Variants in NEDD4L observed in about 807,000 individuals in gnomAD.
NEDD4L encodes E3 ubiquitin-protein ligase NEDD4-like.
NEDD4L carries 54 observed loss-of-function variants against 148.9 expected under a neutral mutation model. The ratio of observed to expected loss-of-function variants is 0.36; its 90% confidence interval spans 0.29 to 0.45. The LOEUF (loss-of-function observed/expected upper bound fraction) is 0.45, where lower values mean the gene tolerates loss of function less well. NEDD4L is among the 20% of genes least tolerant of loss of function. The probability of loss-of-function intolerance (pLI) is 1.00; values close to 1 mark genes in which losing one functional copy is unlikely to be tolerated. For missense variants in NEDD4L, 856 were observed against 1,233.8 expected, an observed-to-expected ratio of 0.69 and a Z score of 4.59; for synonymous variants, 433 against 440.7, an observed-to-expected ratio of 0.98 and a Z score of 0.22.
rs1053560286 is a variant in NEDD4L at position 58,245,461 on chromosome 18, G to A, written c.157G>A (p.Asp53Asn). The change falls in exon 3 of 31, where the codon GAT becomes AAT. Residue 53 changes from aspartate to asparagine, a missense_variant. By Grantham distance (23) the Asp-to-Asn change is conservative. Transcript: ENST00000400345. The part of the protein sequence containing the change: ...PYVKLSLYVA[D>N]ENRELALVQT... Reference sequence around the variant, plus strand: ...TGTGAAACTTTCATTGTACGTAGCGGATGAGAATAGAGAACTTGCTTTGGT... The same window carrying A: ...TGTGAAACTTTCATTGTACGTAGCGAATGAGAATAGAGAACTTGCTTTGGT... 2 of 1,583,948 alleles carry A rather than the reference G, an allele frequency of 1.3e-6. No individual in the cohort carries two copies. The highest frequency in any genetic ancestry group is 3.4e-5 in the Admixed American group (2 of 58,064).
Position 58,256,591 on chromosome 18 carries a change from C to G in NEDD4L, c.297+4537C>G. 1.6e-6 allele frequency: 2 copies of G among 1,232,266 alleles called. No homozygotes were observed. Among genetic ancestry groups the G allele is most frequent in the Non-Finnish European group, 2.0e-6 (2 of 988,062 alleles). 76.3% of individuals were successfully genotyped at this position (1,232,266 alleles called of 1,614,324 possible). A position where few individuals can be genotyped will look rare whatever the true frequency, so the allele number is the denominator to read the frequency against. On this transcript the variant is annotated intron_variant, in intron 5 of 30. Coordinates refer to ENST00000400345, the MANE Select transcript of NEDD4L (RefSeq NM_001144967.3). This position sits in a 1 kb window ranked among gnomAD's most constrained non-coding sequence, Gnocchi z 5.2. ...GAGCTGGCAGGATGGCTCCTGAAATCCGCAGGACGAACTCCGCGGAGAGGA... is the reference window on the plus strand; with the variant it reads ...GAGCTGGCAGGATGGCTCCTGAAATGCGCAGGACGAACTCCGCGGAGAGGA...
At chr18:58,048,287 T>C (rs2081683795) in intron 1 of NEDD4L, among the ~76,000 whole-genome samples, 1 of 152,236 alleles carries the variant, frequency 6.6e-6, no homozygotes, top group African/African-American at 2.4e-5. Context: ...ATTATCTACT[T>C]CTTAATCAAC....
intron 1 of NEDD4L, among the ~76,000 whole-genome samples, chr18:58,056,894 CTTTTT>C (rs74183230): frequency 7.4e-5 from 9 of 121,618 alleles, no homozygotes; most frequent in Non-Finnish European, 1.3e-4. Context: ...GCTATGCCCT[CTTTTT>C]TTTTTTTTTT....
At chr18:58,306,705 A>T (rs1278488763) in intron 5 of NEDD4L, among the ~76,000 whole-genome samples, 3 of 151,724 alleles carry the variant, frequency 2.0e-5, no homozygotes, top group Admixed American at 6.6e-5. Context: ...AGCTCACTGT[A>T]ACCTCTGCCT....
At chr18:58,132,164 C>G (rs981917961) in intron 1 of NEDD4L, among the ~76,000 whole-genome samples, 1 of 152,154 alleles carries the variant, frequency 6.6e-6, no homozygotes, top group Non-Finnish European at 1.5e-5. Flanking sequence ...CCATTATTCT[C>G]CATCAGTGCG....
chr18:58,114,347 A>ATAT (rs1555695625), intron 1 of NEDD4L, among the ~76,000 whole-genome samples: 3 of 144,642 alleles, frequency 2.1e-5, no homozygotes, highest in African/African-American at 7.9e-5. Context: ...ATTTAAAAAA[A>ATAT]ATATATATAT....
rs2041654798 is a variant in NEDD4L, at chr18:58,335,673, T to C, written c.1125+136T>C. The C allele has an allele frequency of 2.7e-5, 19 of 695,860 alleles. No homozygotes were observed. In the South Asian group the frequency reaches 2.9e-4, roughly 11 times the overall value. 43.1% of individuals were successfully genotyped at this position (695,860 alleles called of 1,614,324 possible). On this transcript the variant is annotated intron_variant, in intron 13 of 30. Transcript: ENST00000400345. ...GCTACAGAGCTGCACACGTTTCTTA[T>C]TTTAAGCTTCTCATTTGGGGATTGT... is the stretch of plus-strand genomic sequence containing the variant.
At chr18:58,327,055 G>T (rs1026261550) in intron 9 of NEDD4L, among the ~76,000 whole-genome samples, 4 of 152,118 alleles carry the variant, frequency 2.6e-5, no homozygotes, top group Non-Finnish European at 5.9e-5. Context: ...AAAACAAAAG[G>T]TATAACTTGC....
chr18:58,337,682 C>T (rs9962106), intron 13 of NEDD4L, among the ~76,000 whole-genome samples: 50,777 of 151,882 alleles, frequency 0.33, 8,913 homozygotes, highest in Middle Eastern at 0.44. Flanking sequence ...TATTCACTGA[C>T]GTAAAGGCAC....
chr18:58,347,658 T>C (rs753534371), intron 16 of NEDD4L, among the ~76,000 whole-genome samples: 18 of 152,316 alleles, frequency 1.2e-4, no homozygotes, highest in South Asian at 2.1e-4. Context: ...TAAAAAAATA[T>C]ATTGGGTTCA....
chr18:58,178,896 A>T (rs1005663844), intron 2 of NEDD4L, among the ~76,000 whole-genome samples: 1 of 152,186 alleles, frequency 6.6e-6, no homozygotes, highest in African/African-American at 2.4e-5. Context: ...GAAAGTAGAG[A>T]AACATGTGGA....
intron 5 of NEDD4L, among the ~76,000 whole-genome samples, chr18:58,296,292 T>C (rs1233797721): frequency 2.6e-5 from 4 of 152,182 alleles, no homozygotes; most frequent in Non-Finnish European, 5.9e-5. Context: ...CACTCAGCCC[T>C]CCAGGTCTTT....
chr18:58,400,364 A>C lies in NEDD4L; in HGVS notation c.*4095A>C, dbSNP rs2050773748. The stretch of plus-strand genomic sequence containing the variant: ...ACTCCACTTTGTACTTTAGATTTTA[A>C]AACTGGGGAAAAATGTGATATTCTT... On this transcript the variant is annotated 3_prime_UTR_variant, in exon 31 of 31. Coordinates refer to ENST00000400345, the MANE Select transcript of NEDD4L (RefSeq NM_001144967.3). 2 of 152,212 alleles carry C rather than the reference A, an allele frequency of 1.3e-5. No individual in the cohort carries two copies. The highest frequency in any genetic ancestry group is 4.8e-5 in the African/African-American group (2 of 41,452). The allele number at this position is 152,212 out of a possible 1,614,324, so 9.4% of individuals were successfully genotyped here. A position where few individuals can be genotyped will look rare whatever the true frequency, so the allele number is the denominator to read the frequency against.
rs552732769 is a variant in NEDD4L, at chr18:58,111,560, C to G, written c.49-54228C>G. ...ATGGTTGTTTGTGACTGGCTTCTTT[C>G]AATTAGTGGAGTGTTTTCCAGGGTC... is the stretch of plus-strand genomic sequence containing the variant. On this transcript the variant is annotated intron_variant, in intron 1 of 30. Coordinates refer to ENST00000400345, the MANE Select transcript of NEDD4L (RefSeq NM_001144967.3). Among the ~76,000 whole-genome samples, 17 of 152,246 alleles carry G rather than the reference C, an allele frequency of 1.1e-4. No homozygotes were observed. In the East Asian group the frequency reaches 3.1e-3, roughly 28 times the overall value.
At chr18:58,129,480 C>G (rs551268277) in intron 1 of NEDD4L, among the ~76,000 whole-genome samples, 1 of 152,346 alleles carries the variant, frequency 6.6e-6, no homozygotes, top group South Asian at 2.1e-4. Flanking sequence ...AGCTTCTCCA[C>G]TAAAATAGAG....
chr18:58,341,888 A>G (rs781314784), intron 15 of NEDD4L, 91 bp downstream of exon 15: 14 of 1,414,072 alleles, frequency 9.9e-6, no homozygotes, highest in East Asian at 5.0e-5. Flanking sequence ...TTTCGCAGCC[A>G]CCTCCTCTCT....
chr18:58,263,136 C>T lies in NEDD4L; in HGVS notation c.297+11082C>T, dbSNP rs368017040. 7.9e-5 allele frequency among the ~76,000 whole-genome samples: 12 copies of T among 152,238 alleles called. No homozygotes were observed. In the South Asian group the frequency reaches 1.4e-3, roughly 18 times the overall value. On this transcript the variant is annotated intron_variant, in intron 5 of 30. Transcript: ENST00000400345. The stretch of plus-strand genomic sequence containing the variant: ...TGACTCGTTGCTACACTTTAGTATT[C>T]GGAAACTTTGTATTGGTTCCCTTAA...
rs73450427 is a variant in NEDD4L at position 58,193,247 on chromosome 18, A to G, written c.122+27386A>G. Among the ~76,000 whole-genome samples, 1,490 of 152,376 alleles carry G rather than the reference A, an allele frequency of 9.8e-3. 23 individuals carry two copies. Among genetic ancestry groups the G allele is most frequent in the African/African-American group, 0.032 (1,350 of 41,588 alleles). On this transcript the variant is annotated intron_variant, in intron 2 of 30. Transcript: ENST00000400345. ...CTGGTATAAAATTAAACTAAATACC[A>G]ATCATATACTTAATTTCACAGACTT...
At chr18:58,114,347 AATATAT>A (rs919315311) in intron 1 of NEDD4L, among the ~76,000 whole-genome samples, 1 of 144,642 alleles carries the variant, frequency 6.9e-6, no homozygotes, top group Non-Finnish European at 1.5e-5. Flanking sequence ...ATTTAAAAAA[AATATAT>A]ATATATATAC....
Sources: gnomAD v4.1 joint callset for allele counts (sites outside exome capture counted in the v4.1 genomes callset) on GRCh38, gnomAD v4.1.1 for gene constraint, Gnocchi (gnomAD v3.1) non-coding constraint, MANE v1.5 for transcripts, NCBI Gene and HGNC (gene_info 2026-07-23, HGNC 2026-07-21) for gene names.